The following GPC6 variants were observed in gnomAD, a reference collection of about 807,000 sequenced individuals.
GPC6 encodes glypican 6.
In GPC6, 14 loss-of-function variants were observed where a neutral mutation model predicts 55.2. The observed-to-expected ratio is 0.25, with a 90% CI of 0.17 to 0.40. GPC6 has a LOEUF of 0.40. Among genes scored for constraint, GPC6 ranks in the 10% least tolerant of loss-of-function variants. The pLI is 1.00. For synonymous variants in GPC6, 278 were observed against 259.6 expected, an observed-to-expected ratio of 1.07 and a Z score of -0.68; for missense variants, 641 against 708.5, an observed-to-expected ratio of 0.90 and a Z score of 1.08.
At chr13:94,052,666 G>A (rs747970684) in intron 4 of GPC6, among the ~76,000 whole-genome samples, 3 of 152,004 alleles carry the variant, frequency 2.0e-5, no homozygotes, top group Non-Finnish European at 2.9e-5. Flanking sequence ...ATTTGTACAC[G>A]GTGTTTTTGT....
chr13:93,589,165 T>A (rs1877347599), intron 2 of GPC6, among the ~76,000 whole-genome samples: 1 of 147,788 alleles, frequency 6.8e-6, no homozygotes, highest in African/African-American at 2.7e-5. Context: ...CTAGATTCCC[T>A]AATAGTTAAC....
chr13:93,254,713 A>C (rs1181879501), intron 1 of GPC6, among the ~76,000 whole-genome samples: 9 of 152,206 alleles, frequency 5.9e-5, no homozygotes, highest in Non-Finnish European at 1.2e-4. Flanking sequence ...TATATAAAAA[A>C]AAAATAGAGA....
chr13:93,261,456 G>A (rs1041006096), intron 1 of GPC6, among the ~76,000 whole-genome samples: 1 of 152,100 alleles, frequency 6.6e-6, no homozygotes, highest in African/African-American at 2.4e-5. Context: ...CTGTAGTACT[G>A]CATTTACTTG....
At chr13:93,987,785 A>G (rs1020137857) in intron 3 of GPC6, among the ~76,000 whole-genome samples, 1 of 152,188 alleles carries the variant, frequency 6.6e-6, no homozygotes, top group Non-Finnish European at 1.5e-5. Context: ...TAGTACATTT[A>G]TTCTTTGCTT....
chr13:93,344,036 C>T (rs1880351024), intron 1 of GPC6, among the ~76,000 whole-genome samples: 1 of 152,126 alleles, frequency 6.6e-6, no homozygotes, highest in African/African-American at 2.4e-5. Flanking sequence ...GATTTGATGA[C>T]TTTAACTGAA....
At chr13:93,381,282 A>C (rs942536017) in intron 1 of GPC6, among the ~76,000 whole-genome samples, 3 of 152,090 alleles carry the variant, frequency 2.0e-5, no homozygotes, top group Non-Finnish European at 4.4e-5. Flanking sequence ...TTGTGCTCTT[A>C]CTCAGAACTG....
chr13:93,969,318 C>A (rs1280846278), intron 3 of GPC6, among the ~76,000 whole-genome samples: 1 of 152,142 alleles, frequency 6.6e-6, no homozygotes, highest in Non-Finnish European at 1.5e-5. Context: ...ATTTGTCCTG[C>A]AGTGAGAGCC....
intron 1 of GPC6, among the ~76,000 whole-genome samples, chr13:93,540,689 C>T (rs1882258343): frequency 6.6e-6 from 1 of 152,144 alleles, no homozygotes; most frequent in African/African-American, 2.4e-5. Context: ...GTGCTGGGAA[C>T]ATTCAATATC....
intron 1 of GPC6, among the ~76,000 whole-genome samples, chr13:93,339,286 A>G (rs1594105355): frequency 6.6e-6 from 1 of 151,300 alleles, no homozygotes; most frequent in African/African-American, 2.4e-5. Flanking sequence ...TCATGCCACA[A>G]TTTCTTATAT....
At chr13:93,925,236 C>G (rs1439758863) in intron 3 of GPC6, among the ~76,000 whole-genome samples, 1 of 152,014 alleles carries the variant, frequency 6.6e-6, no homozygotes, top group Non-Finnish European at 1.5e-5. Context: ...AGCAGAAATT[C>G]AAATAGAGGT....
At chr13:94,152,694 A>AT (rs898695101) in intron 4 of GPC6, among the ~76,000 whole-genome samples, 2 of 152,144 alleles carry the variant, frequency 1.3e-5, no homozygotes, top group Non-Finnish European at 2.9e-5. Context: ...GTAAGAATTA[A>AT]ACCTCCCATC....
At chr13:93,965,435 ACGAATACTTTGCAATTCATT>A (rs1879997203) in intron 3 of GPC6, among the ~76,000 whole-genome samples, 1 of 151,958 alleles carries the variant, frequency 6.6e-6, no homozygotes, top group African/African-American at 2.4e-5. Context: ...ATAAATAACC[ACGAATACTTTGCAATTCATT>A]CGGTCAAGAG....
chr13:93,895,235 T>C (rs1235464363), intron 3 of GPC6, among the ~76,000 whole-genome samples: 9 of 19,460 alleles, frequency 4.6e-4, no homozygotes, highest in African/African-American at 1.7e-3. Context: ...TGTGTGTGTG[T>C]ATATATATAT....
At chr13:93,640,234 T>C (rs1385782982) in intron 2 of GPC6, among the ~76,000 whole-genome samples, 1 of 149,638 alleles carries the variant, frequency 6.7e-6, no homozygotes, top group Non-Finnish European at 1.5e-5. Context: ...TAAAAATCCT[T>C]TTTTCAGCCA....
chr13:93,498,465 CT>C (rs1255217566), intron 1 of GPC6, among the ~76,000 whole-genome samples: 4 of 152,288 alleles, frequency 2.6e-5, no homozygotes, highest in African/African-American at 9.6e-5. Context: ...CAAATCTCAA[CT>C]TGAATTGTGT....
chr13:94,386,255 G>A (rs1355114017), intron 7 of GPC6, among the ~76,000 whole-genome samples: 2 of 152,064 alleles, frequency 1.3e-5, no homozygotes, highest in Non-Finnish European at 2.9e-5. Flanking sequence ...AGCTACTCGG[G>A]AGGCTGAGGC....
In GPC6 at chr13:93,529,214, C is replaced by G. The variant is rs546269320; in HGVS notation, c.161-16049C>G. Among the ~76,000 whole-genome samples the G allele has an allele frequency of 1.4e-4, 21 of 152,160 alleles. 1 individual carries two copies. The South Asian group carries it at 4.2e-3, about 30-fold the overall frequency. Reference sequence around the variant, plus strand: ...ACGCTGATGCTAACTGATGTTAGGTCCTGCAGTTTGAAAGATGGTTGAGCT... The same window carrying G: ...ACGCTGATGCTAACTGATGTTAGGTGCTGCAGTTTGAAAGATGGTTGAGCT... On this transcript the variant is annotated intron_variant, in intron 1 of 8. Transcript: ENST00000377047.
In GPC6 at chr13:94,169,973, G is replaced by A. The variant is rs139962447; in HGVS notation, c.878-116376G>A. Among the ~76,000 whole-genome samples, 892 of 152,240 alleles carry A rather than the reference G, an allele frequency of 5.9e-3. 10 individuals carry two copies. The highest frequency in any genetic ancestry group is 0.011 in the Non-Finnish European group (743 of 68,012). ...TGGAAGTTGGGCAGGCGGGACCTCT[G>A]GGGATGAACTTTCACCTGTCACAGT... On this transcript the variant is annotated intron_variant, in intron 4 of 8. Coordinates refer to ENST00000377047, the MANE Select transcript of GPC6 (RefSeq NM_005708.5).
chr13:93,895,162 A>ATATGTC (rs1288178689), intron 3 of GPC6, among the ~76,000 whole-genome samples: 1 of 147,428 alleles, frequency 6.8e-6, no homozygotes, highest in Non-Finnish European at 1.5e-5. Flanking sequence ...CTAAGTCCAT[A>ATATGTC]TATGTCTATA....
Sources: allele counts gnomAD v4.1 joint callset (sites outside exome capture counted in the v4.1 genomes callset), GRCh38; gene constraint gnomAD v4.1.1; transcripts MANE v1.5; gene names NCBI Gene and HGNC (gene_info 2026-07-23, HGNC 2026-07-21).